Variants in LINGO2 observed in about 807,000 individuals in gnomAD.
LINGO2 encodes the protein leucine rich repeat and Ig domain containing 2, also known as leucine-rich repeat and immunoglobulin-like domain-containing nogo receptor-interacting protein 2.
A neutral mutation model predicts 30.6 loss-of-function variants in LINGO2; 14 were observed. That is an observed-to-expected ratio of 0.46 (90% CI 0.30 to 0.72). The LOEUF (loss-of-function observed/expected upper bound fraction) is 0.72. Among genes scored for constraint, LINGO2 ranks in the 30% least tolerant of loss-of-function variants. The probability of loss-of-function intolerance (pLI) is 0.07; values close to 1 mark genes in which losing one functional copy is unlikely to be tolerated. For synonymous variants in LINGO2, 317 were observed against 288.5 expected, an observed-to-expected ratio of 1.10 and a Z score of -1.00; for missense variants, 729 against 751.7, an observed-to-expected ratio of 0.97 and a Z score of 0.35.
intron 1 of LINGO2, among the ~76,000 whole-genome samples, chr9:28,649,431 C>T (rs1016337348): frequency 2.6e-5 from 4 of 151,990 alleles, no homozygotes; most frequent in Non-Finnish European, 4.4e-5. Flanking sequence ...TAGAAGTTAG[C>T]TAAATTGTTA....
intron 4 of LINGO2, among the ~76,000 whole-genome samples, chr9:28,013,446 T>A (rs1822660345): frequency 6.6e-6 from 1 of 152,202 alleles, no homozygotes; most frequent in Non-Finnish European, 1.5e-5. Flanking sequence ...TAGTGTGGTC[T>A]CTCCTTCCTC....
chr9:28,849,375 T>A, the LINGO2 span, among the ~76,000 whole-genome samples: 3 of 152,006 alleles, frequency 2.0e-5, no homozygotes, highest in Non-Finnish European at 4.4e-5. Flanking sequence ...AGACCCAGAA[T>A]AATATCATCT....
chr9:28,011,598 G>C (rs547394299), intron 5 of LINGO2, among the ~76,000 whole-genome samples: 1 of 152,192 alleles, frequency 6.6e-6, no homozygotes. Flanking sequence ...GATGGGTGAA[G>C]TTATTTGGGC....
At chr9:27,980,490 T>C (rs1321381727) in intron 5 of LINGO2, among the ~76,000 whole-genome samples, 1 of 151,946 alleles carries the variant, frequency 6.6e-6, no homozygotes, top group Non-Finnish European at 1.5e-5. Context: ...AGGCAGAATA[T>C]ATTGCTATTG....
chr9:28,016,776 G>A (rs1587696699), intron 4 of LINGO2, among the ~76,000 whole-genome samples: 1 of 151,498 alleles, frequency 6.6e-6, no homozygotes, highest in Non-Finnish European at 1.5e-5. Context: ...AGAAGAGCTG[G>A]TATCAATCCT....
intron 5 of LINGO2, among the ~76,000 whole-genome samples, chr9:28,004,247 T>A (rs1406583596): frequency 2.0e-5 from 3 of 152,174 alleles, no homozygotes; most frequent in Non-Finnish European, 4.4e-5. Context: ...TCTTTGTTTT[T>A]CTTATATACT....
chr9:28,865,046 A>G, the LINGO2 span, among the ~76,000 whole-genome samples: 2 of 152,182 alleles, frequency 1.3e-5, no homozygotes, highest in African/African-American at 2.4e-5. Flanking sequence ...AGGGAATACC[A>G]TATATAAGAG....
chr9:28,092,269 C>T (rs1318584675), intron 4 of LINGO2, among the ~76,000 whole-genome samples: 1 of 152,044 alleles, frequency 6.6e-6, no homozygotes, highest in Non-Finnish European at 1.5e-5. Context: ...TGGCACTATT[C>T]ACAATAGCAA....
At chr9:29,008,516 T>C in the LINGO2 span, among the ~76,000 whole-genome samples, 1 of 152,206 alleles carries the variant, frequency 6.6e-6, no homozygotes, top group Non-Finnish European at 1.5e-5. Flanking sequence ...TCTTCCACAA[T>C]GGTTGAACAA....
intron 4 of LINGO2, among the ~76,000 whole-genome samples, chr9:28,106,117 C>T (rs1826583992): frequency 6.6e-6 from 1 of 152,048 alleles, no homozygotes; most frequent in Admixed American, 6.6e-5. Context: ...AATCTAATTC[C>T]TGATGATCTG....
chr9:28,211,096 T>C (rs1820574206), intron 4 of LINGO2, among the ~76,000 whole-genome samples: 1 of 151,604 alleles, frequency 6.6e-6, no homozygotes, highest in Non-Finnish European at 1.5e-5. Context: ...GATCATACTG[T>C]ACCTGTAAGC....
Position 28,014,596 on chromosome 9 carries a change from T to C in LINGO2, c.-86-2191A>G, listed in dbSNP as rs115936967. Among the ~76,000 whole-genome samples the C allele has an allele frequency of 8.6e-3, 1,316 of 152,296 alleles. 25 individuals carry two copies. The highest frequency in any genetic ancestry group is 0.03 in the African/African-American group (1,256 of 41,566). ...ATTAACAAAGGTAACATTTAGTTCA[T>C]AGTAACATTTTAAAAATTTCTGACG... On this transcript the variant is annotated intron_variant, in intron 4 of 5. Transcript: ENST00000379992.
the LINGO2 span, among the ~76,000 whole-genome samples, chr9:28,767,297 T>C: frequency 6.6e-5 from 10 of 152,334 alleles, no homozygotes; most frequent in South Asian, 2.1e-3. Context: ...TGCTTGACTG[T>C]GGTAATTATT....
At chr9:28,056,082 C>T (rs760336932) in intron 4 of LINGO2, among the ~76,000 whole-genome samples, 2 of 152,166 alleles carry the variant, frequency 1.3e-5, no homozygotes, top group South Asian at 4.1e-4. Flanking sequence ...GAAAGGAGCT[C>T]CCCGCTTTCA....
At chr9:29,038,441 A>G in the LINGO2 span, among the ~76,000 whole-genome samples, 1 of 152,098 alleles carries the variant, frequency 6.6e-6, no homozygotes, top group African/African-American at 2.4e-5. Context: ...ATGTTCACTA[A>G]TGACTGAGTA....
chr9:28,390,106 T>G (rs1032751259), intron 2 of LINGO2, among the ~76,000 whole-genome samples: 7 of 152,182 alleles, frequency 4.6e-5, no homozygotes, highest in Non-Finnish European at 1.5e-5. Context: ...ATTCTTACAA[T>G]GCTTCATGAT....
chr9:28,417,362 CAAAG>C, intron 2 of LINGO2, among the ~76,000 whole-genome samples: 1 of 152,130 alleles, frequency 6.6e-6, no homozygotes, highest in Non-Finnish European at 1.5e-5. Context: ...TGAATAAAAT[CAAAG>C]CAGATCACTT....
chr9:29,028,498 A>G, the LINGO2 span, among the ~76,000 whole-genome samples: 1 of 151,930 alleles, frequency 6.6e-6, no homozygotes, highest in East Asian at 1.9e-4. Flanking sequence ...ATATATCTCT[A>G]GTTCTTCAGT....
intron 1 of LINGO2, among the ~76,000 whole-genome samples, chr9:28,584,086 C>A (rs1165493539): frequency 1.3e-5 from 2 of 151,976 alleles, no homozygotes; most frequent in African/African-American, 4.8e-5. Flanking sequence ...AACCATGAGT[C>A]AGATAAGTTT....
Sources: allele counts gnomAD v4.1 joint callset (sites outside exome capture counted in the v4.1 genomes callset), GRCh38; gene constraint gnomAD v4.1.1; transcripts MANE v1.5; gene names NCBI Gene and HGNC (gene_info 2026-07-23, HGNC 2026-07-21).